The following CNOT2 variants were observed in gnomAD, a reference collection of about 807,000 sequenced individuals.
CNOT2 encodes the protein CC chemokine receptor 4-negative regulator of transcription 2.
Under a neutral mutation model 72.1 loss-of-function variants are expected in CNOT2, and 7 were observed. That is an observed-to-expected ratio of 0.10 (90% confidence interval 0.06 to 0.18). The LOEUF is 0.18. Ranked by LOEUF, CNOT2 falls within the 10% of genes least tolerant of loss-of-function variation. CNOT2 has a pLI of 1.00. For missense variants in CNOT2, 345 were observed against 660.3 expected (o/e 0.52, Z 5.23); for synonymous variants, 196 against 225.6 (o/e 0.87, Z 1.17).
chr12:70,264,662 G>C (rs1298768459), intron 1 of CNOT2, among the ~76,000 whole-genome samples: 1 of 152,082 alleles, frequency 6.6e-6, no homozygotes, highest in African/African-American at 2.4e-5. Flanking sequence ...TGGCCTGTCT[G>C]TCCTGGAGAG....
chr12:70,279,832 A>G (rs1479374992), intron 2 of CNOT2, among the ~76,000 whole-genome samples: 1 of 152,180 alleles, frequency 6.6e-6, no homozygotes, highest in Non-Finnish European at 1.5e-5. Flanking sequence ...TGTTTTATAC[A>G]TGAAGAGATT....
At chr12:70,349,951 T>C (rs1339902589) in intron 15 of CNOT2, among the ~76,000 whole-genome samples, 2 of 151,938 alleles carry the variant, frequency 1.3e-5, no homozygotes, top group East Asian at 3.9e-4. Flanking sequence ...AAGGTTGCAG[T>C]GAGCTGTGAT....
chr12:70,271,000 A>G (rs561076283), intron 1 of CNOT2, among the ~76,000 whole-genome samples: 43 of 152,320 alleles, frequency 2.8e-4, no homozygotes, highest in African/African-American at 9.9e-4. Context: ...TCAATTGACT[A>G]AACAGTATGG....
chr12:70,289,712 A>G (rs890009897), intron 2 of CNOT2, among the ~76,000 whole-genome samples: 3 of 151,908 alleles, frequency 2.0e-5, no homozygotes, highest in Non-Finnish European at 4.4e-5. Context: ...CAGCATGCCA[A>G]TTATTCTGCC....
chr12:70,305,048 G>A (rs182694853), intron 2 of CNOT2, among the ~76,000 whole-genome samples: 2 of 152,294 alleles, frequency 1.3e-5, no homozygotes, highest in East Asian at 1.9e-4. Context: ...GGAGTGACCC[G>A]ATTTTCCAGG....
chr12:70,306,551 A>C (rs537450714), intron 2 of CNOT2, among the ~76,000 whole-genome samples: 1 of 152,306 alleles, frequency 6.6e-6, no homozygotes, highest in East Asian at 1.9e-4. Context: ...TGTTCAAAAA[A>C]GGTTTAAGAA....
chr12:70,269,640 T>C (rs1441513860), intron 1 of CNOT2, among the ~76,000 whole-genome samples: 2 of 152,208 alleles, frequency 1.3e-5, no homozygotes, highest in Non-Finnish European at 2.9e-5. Context: ...TAAAGTGATA[T>C]GAAAATATCT....
At chr12:70,332,567 C>A in intron 6 of CNOT2, 200 bp from the exon 7 acceptor site, 5 of 762,714 alleles carry the variant, frequency 6.6e-6, no homozygotes, top group Non-Finnish European at 8.8e-6. Context: ...CTAAAATGTT[C>A]TGGTTCTCAT....
intron 6 of CNOT2, 193 bp downstream of exon 6, chr12:70,330,662 G>A (rs937276765): frequency 1.3e-4 from 59 of 465,244 alleles, no homozygotes; most frequent in African/African-American, 1.2e-3. Flanking sequence ...ATTTTGGAAA[G>A]CACATTAAAA....
intron 2 of CNOT2, among the ~76,000 whole-genome samples, chr12:70,307,461 G>C (rs1272246534): frequency 6.6e-6 from 1 of 152,046 alleles, no homozygotes; most frequent in Non-Finnish European, 1.5e-5. Context: ...GGCATCACTA[G>C]GCAATAGGAA....
intron 1 of CNOT2, among the ~76,000 whole-genome samples, chr12:70,272,191 A>G (rs1397481468): frequency 6.6e-6 from 1 of 152,224 alleles, no homozygotes; most frequent in Non-Finnish European, 1.5e-5. Flanking sequence ...AGTAAAATGT[A>G]TCTGTTATGT....
intron 4 of CNOT2, among the ~76,000 whole-genome samples, chr12:70,328,162 G>T (rs926755852): frequency 2.0e-5 from 3 of 151,902 alleles, no homozygotes; most frequent in African/African-American, 7.2e-5. Context: ...TATTGAATTA[G>T]ATTGATTGGA....
chr12:70,326,557 T>C (rs573429390), intron 4 of CNOT2, among the ~76,000 whole-genome samples: 145 of 151,846 alleles, frequency 9.5e-4, no homozygotes, highest in Non-Finnish European at 1.5e-3. Context: ...AGATTAGATT[T>C]TTTTCCCCTT....
At chr12:70,295,593 T>C (rs1872686341) in intron 2 of CNOT2, among the ~76,000 whole-genome samples, 2 of 152,210 alleles carry the variant, frequency 1.3e-5, no homozygotes, top group Non-Finnish European at 2.9e-5. Flanking sequence ...TCTACTGTTA[T>C]ATGTCCTTCC....
chr12:70,318,051 A>G (rs1054895782), intron 3 of CNOT2, among the ~76,000 whole-genome samples: 4 of 151,960 alleles, frequency 2.6e-5, no homozygotes, highest in African/African-American at 9.7e-5. Context: ...TCAACAGGAC[A>G]TAAAATAACT....
chr12:70,342,215 A>G, intron 12 of CNOT2, 43 bp from the exon 13 acceptor site: 1 of 1,612,818 alleles, frequency 6.2e-7, no homozygotes, highest in East Asian at 2.2e-5. Flanking sequence ...GAAATTTACA[A>G]TTGAGAATCA....
At chr12:70,300,901 A>G (rs1322257070) in intron 2 of CNOT2, among the ~76,000 whole-genome samples, 2 of 152,126 alleles carry the variant, frequency 1.3e-5, no homozygotes, top group African/African-American at 2.4e-5. Context: ...TTCATTGAGC[A>G]GTGGTTTGTA....
rs549230962 is a variant in CNOT2 at position 70,275,332 on chromosome 12, T to C, written c.-95-2800T>C. On this transcript the variant is annotated intron_variant, in intron 1 of 15. Transcript: ENST00000229195. ...ATTTTACTCTGAGATGTTGTGATCA[T>C]GTGGTTTTGTTTTTGTTATTCTCTT... 6.6e-5 allele frequency among the ~76,000 whole-genome samples: 10 copies of C among 152,176 alleles called. No individual in the cohort carries two copies. The East Asian group carries it at 1.4e-3, about 21-fold the overall frequency.
chr12:70,256,944 C>T (rs539067212), intron 1 of CNOT2, among the ~76,000 whole-genome samples: 1 of 152,236 alleles, frequency 6.6e-6, no homozygotes, highest in South Asian at 2.1e-4. Flanking sequence ...ACACCATAAG[C>T]ATTTTCCAGT....
Sources: gnomAD v4.1 joint callset for allele counts (sites outside exome capture counted in the v4.1 genomes callset) on GRCh38, gnomAD v4.1.1 for gene constraint, MANE v1.5 for transcripts, NCBI Gene and HGNC (gene_info 2026-07-23, HGNC 2026-07-21) for gene names.